The following CAMKMT variants were observed in gnomAD, a reference collection of about 807,000 sequenced individuals.
CAMKMT encodes the protein CaM KMT.
CAMKMT carries 53 observed loss-of-function variants against 48.0 expected under a neutral mutation model. That is an observed-to-expected ratio of 1.10 (90% CI 0.89 to 1.39). The LOEUF (loss-of-function observed/expected upper bound fraction) is 1.39. Ranked by LOEUF, CAMKMT falls within the 40% of genes most tolerant of loss-of-function variation. The probability of loss-of-function intolerance (pLI) is 0.00; values close to 1 mark genes in which losing one functional copy is unlikely to be tolerated. For synonymous variants in CAMKMT, 165 were observed against 152.3 expected (o/e 1.08, Z -0.61); for missense variants, 428 against 402.7 (o/e 1.06, Z -0.54).
intron 3 of CAMKMT, among the ~76,000 whole-genome samples, chr2:44,582,472 G>A (rs1213207287): frequency 6.6e-6 from 1 of 152,050 alleles, no homozygotes; most frequent in Non-Finnish European, 1.5e-5. Flanking sequence ...CATTCTTTCT[G>A]CCAACTTCTG....
At position 44,621,829 on chromosome 2, in the gene CAMKMT, T is replaced by C. The variant is rs149109024; in HGVS notation, c.377-82454T>C. Among the ~76,000 whole-genome samples the C allele has an allele frequency of 3.1e-3, 475 of 152,316 alleles. 1 individual carries two copies. Among genetic ancestry groups the C allele is most frequent in the African/African-American group, 0.011 (450 of 41,560 alleles). Reference sequence around the variant, plus strand: ...ATTATTCTTTTTGCTCCATGGAGAATAGATTTTTAGGACAAGAGTAAAATG... The same window carrying C: ...ATTATTCTTTTTGCTCCATGGAGAACAGATTTTTAGGACAAGAGTAAAATG... On this transcript the variant is annotated intron_variant, in intron 3 of 10. Coordinates refer to ENST00000378494, the MANE Select transcript of CAMKMT (RefSeq NM_024766.5).
At chr2:44,716,256 G>A (rs559844907) in intron 7 of CAMKMT, among the ~76,000 whole-genome samples, 40 of 152,080 alleles carry the variant, frequency 2.6e-4, no homozygotes, top group African/African-American at 9.7e-4. Flanking sequence ...TTCCCAGTTT[G>A]ATTTTTTTTA....
intron 3 of CAMKMT, among the ~76,000 whole-genome samples, chr2:44,621,440 A>G (rs184079024): frequency 8.6e-4 from 131 of 152,254 alleles, no homozygotes; most frequent in Admixed American, 1.3e-3. Flanking sequence ...GCTGCTTTAC[A>G]TTGGATGGCC....
At chr2:44,531,870 AT>A (rs1473846811) in intron 3 of CAMKMT, among the ~76,000 whole-genome samples, 3 of 152,228 alleles carry the variant, frequency 2.0e-5, no homozygotes, top group Admixed American at 1.3e-4. Context: ...GTTTTGTCTT[AT>A]CACAGTTTTA....
intron 3 of CAMKMT, among the ~76,000 whole-genome samples, chr2:44,445,160 G>A (rs1364460931): frequency 4.6e-5 from 7 of 152,300 alleles, no homozygotes; most frequent in Admixed American, 4.6e-4. Flanking sequence ...ACTGACAGTA[G>A]CAGGGATAGA....
intron 3 of CAMKMT, among the ~76,000 whole-genome samples, chr2:44,535,907 T>C (rs777367294): frequency 2.0e-5 from 3 of 152,102 alleles, no homozygotes; most frequent in Non-Finnish European, 2.9e-5. Flanking sequence ...AGCATCCAGA[T>C]TGGAAAAGAG....
At chr2:44,668,102 C>T (rs578253245) in intron 3 of CAMKMT, among the ~76,000 whole-genome samples, 1 of 152,322 alleles carries the variant, frequency 6.6e-6, no homozygotes, top group African/African-American at 2.4e-5. Context: ...AATCCTGCTA[C>T]ATTTCCCTGG....
At chr2:44,441,140 A>G (rs967261744) in intron 3 of CAMKMT, among the ~76,000 whole-genome samples, 12 of 152,172 alleles carry the variant, frequency 7.9e-5, no homozygotes, top group African/African-American at 2.7e-4. Context: ...TCTGTTAAAT[A>G]TCAAAACACT....
At chr2:44,516,017 C>T (rs1287050117) in intron 3 of CAMKMT, among the ~76,000 whole-genome samples, 3 of 152,120 alleles carry the variant, frequency 2.0e-5, no homozygotes, top group Admixed American at 6.5e-5. Context: ...TTGAGAACTT[C>T]TCATTATTAC....
Position 44,515,326 on chromosome 2 carries a change from A to G in CAMKMT, c.376+125021A>G, listed in dbSNP as rs567863184. Among the ~76,000 whole-genome samples, 463 of 152,260 alleles carry G rather than the reference A, an allele frequency of 3.0e-3. 2 individuals carry two copies. Among genetic ancestry groups the G allele is most frequent in the African/African-American group, 0.011 (446 of 41,546 alleles). The stretch of plus-strand genomic sequence containing the variant: ...GTGGGACTGGGAGGAGTTAGGTAGA[A>G]CTTTGGATTTGGGTATAAAGGGACT... On this transcript the variant is annotated intron_variant, in intron 3 of 10. Transcript: ENST00000378494.
intron 3 of CAMKMT, among the ~76,000 whole-genome samples, chr2:44,637,155 C>G (rs915998193): frequency 2.0e-5 from 3 of 152,208 alleles, no homozygotes; most frequent in Non-Finnish European, 4.4e-5. Context: ...TAATGACAGT[C>G]ATTTAGCTTT....
chr2:44,435,508 A>G (rs1666183701), intron 3 of CAMKMT, among the ~76,000 whole-genome samples: 1 of 152,220 alleles, frequency 6.6e-6, no homozygotes, highest in South Asian at 2.1e-4. Flanking sequence ...CAGTTGGATG[A>G]TGATTCAGTG....
At chr2:44,726,751 G>T (rs1573177238) in intron 7 of CAMKMT, among the ~76,000 whole-genome samples, 1 of 152,140 alleles carries the variant, frequency 6.6e-6, no homozygotes, top group African/African-American at 2.4e-5. Flanking sequence ...GTAGTTTGAG[G>T]TCTTACATTT....
intron 9 of CAMKMT, 36 bp downstream of exon 9, chr2:44,754,154 A>G (rs780389286): frequency 4.7e-5 from 69 of 1,482,852 alleles, no homozygotes; most frequent in Non-Finnish European, 6.5e-5. Context: ...AACACTGGCT[A>G]CAGAATAATT....
chr2:44,409,950 A>G (rs188718743), intron 3 of CAMKMT, among the ~76,000 whole-genome samples: 2 of 152,280 alleles, frequency 1.3e-5, no homozygotes, highest in Admixed American at 6.5e-5. Flanking sequence ...TTAGAGTTTA[A>G]TGAAATAGAC....
At chr2:44,743,740 C>G in intron 8 of CAMKMT, 44 bp downstream of exon 8, 1 of 1,510,554 alleles carries the variant, frequency 6.6e-7, no homozygotes, top group Non-Finnish European at 9.2e-7. Flanking sequence ...AAAAAAATAG[C>G]TTTGCTGGAG....
chr2:44,724,772 G>A (rs184494505), intron 7 of CAMKMT, among the ~76,000 whole-genome samples: 2 of 152,124 alleles, frequency 1.3e-5, no homozygotes, highest in East Asian at 1.9e-4. Context: ...ATTCTGATTC[G>A]TTTCTTGTCT....
intron 3 of CAMKMT, among the ~76,000 whole-genome samples, chr2:44,697,188 T>A (rs1394918086): frequency 6.6e-6 from 1 of 152,144 alleles, no homozygotes; most frequent in Non-Finnish European, 1.5e-5. Flanking sequence ...AATTACCCAC[T>A]GAATCATGCA....
At chr2:44,440,688 T>C (rs1666599087) in intron 3 of CAMKMT, among the ~76,000 whole-genome samples, 1 of 152,292 alleles carries the variant, frequency 6.6e-6, no homozygotes, top group Admixed American at 6.5e-5. Flanking sequence ...AGGAATGATA[T>C]AGAGTATTTC....
Sources: allele counts gnomAD v4.1 joint callset (sites outside exome capture counted in the v4.1 genomes callset), GRCh38; gene constraint gnomAD v4.1.1; transcripts MANE v1.5; gene names NCBI Gene and HGNC (gene_info 2026-07-23, HGNC 2026-07-21).